The following GTF2IRD2B variants were observed in gnomAD, a reference collection of about 807,000 sequenced individuals.
GTF2IRD2B encodes general transcription factor II-I repeat domain-containing protein 2B.
In GTF2IRD2B, 10 loss-of-function variants were observed where a neutral mutation model predicts 55.6. The ratio of observed to expected loss-of-function variants is 0.18; its 90% confidence interval spans 0.11 to 0.31. The LOEUF (loss-of-function observed/expected upper bound fraction) is 0.31. Among genes scored for constraint, GTF2IRD2B ranks in the 10% least tolerant of loss-of-function variants. The probability of loss-of-function intolerance (pLI) is 1.00; values close to 1 mark genes in which losing one functional copy is unlikely to be tolerated. For missense variants in GTF2IRD2B, 206 were observed against 802.7 expected (o/e 0.26, Z 8.98); for synonymous variants, 107 against 320.5 (o/e 0.33, Z 7.12).
chr7:75,112,765 A>C (rs1808016332), intron 3 of GTF2IRD2B: 1 of 581,936 alleles, frequency 1.7e-6, no homozygotes, highest in South Asian at 2.0e-5. Context: ...TATTAGAATA[A>C]ATTTCAAGGA....
chr7:75,133,550 T>G (rs1400608189), intron 9 of GTF2IRD2B, among the ~76,000 whole-genome samples: 6 of 147,244 alleles, frequency 4.1e-5, no homozygotes, highest in Non-Finnish European at 7.4e-5. Flanking sequence ...ACATACTCTT[T>G]TTTTTTTTTT....
chr7:75,109,422 TC>T (rs1377522028), intron 2 of GTF2IRD2B, among the ~76,000 whole-genome samples: 3 of 140,698 alleles, frequency 2.1e-5, no homozygotes, highest in African/African-American at 7.4e-5. Context: ...CACTGCAACC[TC>T]CGCCTCCCGG....
Position 75,120,949 on chromosome 7 carries a change from C to G in GTF2IRD2B, c.297C>G (p.Val99=). Residue 99 remains valine, a synonymous_variant, in exon 4 of 16, where the codon GTC becomes GTG. Coordinates refer to ENST00000472837, the MANE Select transcript of GTF2IRD2B (RefSeq NM_001003795.3). ...KPPCPVNGMQ[V]HSGETEILRK... is the part of the protein sequence containing the mutation. ...CCTGCCCTGTGAACGGGATGCAGGTCCACTCGGGCGAAACGGAAATACTCA... is the reference window on the plus strand; with the variant it reads ...CCTGCCCTGTGAACGGGATGCAGGTGCACTCGGGCGAAACGGAAATACTCA... 6.2e-7 allele frequency: 1 copy of G among 1,614,018 alleles called. No homozygotes were observed. The highest frequency in any genetic ancestry group is 8.5e-7 in the Non-Finnish European group (1 of 1,179,846).
At chr7:75,136,095 C>T (rs1308196682) in intron 10 of GTF2IRD2B, among the ~76,000 whole-genome samples, 2 of 104,496 alleles carry the variant, frequency 1.9e-5, no homozygotes, top group Admixed American at 9.2e-5. Flanking sequence ...GAGCCGAAAT[C>T]GCACCATTCC....
At chr7:75,105,155 T>C (rs1209262555) in intron 1 of GTF2IRD2B, among the ~76,000 whole-genome samples, 1 of 152,254 alleles carries the variant, frequency 6.6e-6, no homozygotes, top group Non-Finnish European at 1.5e-5. Context: ...GTGGTAACAC[T>C]CCAACCTGGG....
In GTF2IRD2B at chr7:75,109,231, G is replaced by A. The variant is rs587628940; in HGVS notation, c.99+168G>A. 4.3e-5 allele frequency among the ~76,000 whole-genome samples: 6 copies of A among 139,008 alleles called. No homozygotes were observed. In the South Asian group the frequency reaches 7.4e-4, roughly 17 times the overall value. The allele number at this position is 139,008 out of a possible 152,430, so 91.2% of individuals were successfully genotyped here. On this transcript the variant is annotated intron_variant, in intron 2 of 15. Transcript: ENST00000472837. ...GTGCAGTGGCACAATCTCAGCTCAC[G>A]GCAACCTCTGCCTCCTGGGTTCAAG...
At chr7:75,106,976 T>TTCTAA (rs1807827598) in intron 1 of GTF2IRD2B, among the ~76,000 whole-genome samples, 1 of 151,364 alleles carries the variant, frequency 6.6e-6, no homozygotes, top group Admixed American at 6.6e-5. Flanking sequence ...TTGGCAAAAT[T>TTCTAA]TAGAGTGAGC....
intron 1 of GTF2IRD2B, among the ~76,000 whole-genome samples, chr7:75,108,538 T>C (rs1281857067): frequency 2.1e-5 from 1 of 47,170 alleles, no homozygotes; most frequent in African/African-American, 6.5e-5. Context: ...GGAAGGCAGA[T>C]TGCTTGAGCT....
chr7:75,113,781 GGTGTGTGT>G (rs71519356), intron 3 of GTF2IRD2B, among the ~76,000 whole-genome samples: 10 of 80,048 alleles, frequency 1.2e-4, no homozygotes, highest in Middle Eastern at 8.1e-3. Flanking sequence ...AGGGTATAAG[GGTGTGTGT>G]GTGTGTGTGT....
intron 11 of GTF2IRD2B, among the ~76,000 whole-genome samples, chr7:75,137,298 A>G (rs1968060): frequency 1.3e-4 from 19 of 150,652 alleles, no homozygotes; most frequent in Admixed American, 2.6e-4. Flanking sequence ...TTAGGGCCCA[A>G]TGCTTTGAGG....
At chr7:75,103,254 G>A (rs1807641161) in intron 1 of GTF2IRD2B, among the ~76,000 whole-genome samples, 2 of 151,956 alleles carry the variant, frequency 1.3e-5, no homozygotes, top group Admixed American at 1.3e-4. Flanking sequence ...ACTCCAGCCT[G>A]GGTGACAGAG....
chr7:75,102,296 C>A (rs1426863884), intron 1 of GTF2IRD2B, among the ~76,000 whole-genome samples: 1 of 150,678 alleles, frequency 6.6e-6, no homozygotes, highest in African/African-American at 2.4e-5. Context: ...CCACTGTGCC[C>A]GGCCATCACA....
At chr7:75,108,198 A>G (rs1807857353) in intron 1 of GTF2IRD2B, among the ~76,000 whole-genome samples, 1 of 626 alleles carries the variant, frequency 1.6e-3, no homozygotes. Context: ...TAATCCCAGC[A>G]CTTTGGGAGG....
At chr7:75,101,575 C>A (rs1310899690) in intron 1 of GTF2IRD2B, among the ~76,000 whole-genome samples, 3 of 150,216 alleles carry the variant, frequency 2.0e-5, no homozygotes, top group Non-Finnish European at 4.4e-5. Context: ...AGAATGAGAC[C>A]CTGTCAGAAA....
Position 75,120,759 on chromosome 7 carries a change from T to C in GTF2IRD2B, c.239-132T>C, listed in dbSNP as rs1393998978. The C allele has an allele frequency of 6.9e-5, 102 of 1,471,246 alleles. No homozygotes were observed. In the African/African-American group the frequency reaches 1.3e-3, roughly 19 times the overall value. The allele number at this position is 1,471,246 out of a possible 1,614,324, so 91.1% of individuals were successfully genotyped here. A position where few individuals can be genotyped will look rare whatever the true frequency, so the allele number is the denominator to read the frequency against. ...TTATCATAAATACAATTTTTTCTTG[T>C]TTTTCTTTAAAAGATCTTGTTTTAT... On this transcript the variant is annotated intron_variant, in intron 3 of 15. Coordinates refer to ENST00000472837, the MANE Select transcript of GTF2IRD2B (RefSeq NM_001003795.3).
intron 1 of GTF2IRD2B, among the ~76,000 whole-genome samples, 188 bp downstream of exon 1, chr7:75,092,953 C>T (rs1807300657): frequency 6.6e-6 from 1 of 151,994 alleles, no homozygotes; most frequent in African/African-American, 2.4e-5. Context: ...CTGGCAGGAC[C>T]AGAGGTGTGA....
intron 1 of GTF2IRD2B, among the ~76,000 whole-genome samples, chr7:75,105,790 T>C (rs1231386518): frequency 2.8e-3 from 431 of 152,262 alleles, no homozygotes; most frequent in African/African-American, 9.7e-3. Flanking sequence ...GACACCAGAC[T>C]TTGGAGGATT....
At chr7:75,116,100 A>G (rs1357256135) in intron 3 of GTF2IRD2B, among the ~76,000 whole-genome samples, 4 of 129,430 alleles carry the variant, frequency 3.1e-5, no homozygotes, top group Non-Finnish European at 6.6e-5. Context: ...TTGTATTTTT[A>G]GTAGAGACAG....
At chr7:75,105,061 G>T (rs1345382088) in intron 1 of GTF2IRD2B, among the ~76,000 whole-genome samples, 4 of 152,310 alleles carry the variant, frequency 2.6e-5, no homozygotes, top group African/African-American at 9.6e-5. Flanking sequence ...GCCAGGTGTG[G>T]TGGCATGCAC....
Sources: allele counts gnomAD v4.1 joint callset (sites outside exome capture counted in the v4.1 genomes callset), GRCh38; gene constraint gnomAD v4.1.1; transcripts MANE v1.5; gene names NCBI Gene and HGNC (gene_info 2026-07-23, HGNC 2026-07-21).